The following PRELID2 variants were observed in gnomAD, a reference collection of about 807,000 sequenced individuals.
The protein encoded by PRELID2 is PRELI domain-containing protein 2.
PRELID2 carries 25 observed loss-of-function variants against 28.4 expected under a neutral mutation model. That is an observed-to-expected ratio of 0.88 (90% CI 0.64 to 1.23). The LOEUF (loss-of-function observed/expected upper bound fraction) is 1.23, where lower values mean the gene tolerates loss of function less well. Ranked by LOEUF, PRELID2 falls within the 50% of genes most tolerant of loss-of-function variation. The pLI, the probability that PRELID2 is intolerant of heterozygous loss-of-function variation, is 0.00. For synonymous variants in PRELID2, 76 were observed against 71.6 expected (o/e 1.06, Z -0.31); for missense variants, 201 against 214.4 (o/e 0.94, Z 0.39).
the PRELID2 span, among the ~76,000 whole-genome samples, chr5:145,255,786 CTA>C: frequency 6.7e-6 from 1 of 149,438 alleles, no homozygotes; most frequent in East Asian, 1.9e-4. Flanking sequence ...GTCTCAAAAA[CTA>C]TATATATATG....
chr5:145,440,985 C>T, the PRELID2 span: 7 of 152,012 alleles, frequency 4.6e-5, no homozygotes, highest in Non-Finnish European at 1.0e-4. Context: ...TGTTCATTAT[C>T]TATTCATGAG....
the PRELID2 span, among the ~76,000 whole-genome samples, chr5:145,380,764 G>A: frequency 6.6e-6 from 1 of 152,134 alleles, no homozygotes; most frequent in Non-Finnish European, 1.5e-5. Flanking sequence ...ATGAAAGAAT[G>A]AATATGAGAT....
chr5:145,349,563 A>T, the PRELID2 span, among the ~76,000 whole-genome samples: 1 of 152,142 alleles, frequency 6.6e-6, no homozygotes, highest in Non-Finnish European at 1.5e-5. Flanking sequence ...ACACTCATAC[A>T]GCAAATCTCA....
intron 1 of PRELID2, among the ~76,000 whole-genome samples, chr5:145,551,825 A>C (rs1044732215): frequency 7.2e-5 from 11 of 152,218 alleles, no homozygotes; most frequent in African/African-American, 2.7e-4. Flanking sequence ...AGATCTGAGA[A>C]GGCAAAGGGA....
At chr5:145,819,285 A>G (rs1754590447) in intron 3 of PRELID2, 3 of 826,562 alleles carry the variant, frequency 3.6e-6, no homozygotes, top group Non-Finnish European at 6.3e-6. Context: ...GGGCATATCC[A>G]GATGCTTTCC....
the PRELID2 span, among the ~76,000 whole-genome samples, chr5:145,233,357 C>T: frequency 6.6e-6 from 1 of 152,232 alleles, no homozygotes; most frequent in South Asian, 2.1e-4. Context: ...TTCTGCTTGT[C>T]TCTCATTCCA....
chr5:145,819,685 C>G (rs1397641695), intron 3 of PRELID2: 4 of 564,080 alleles, frequency 7.1e-6, no homozygotes, highest in Non-Finnish European at 1.2e-5. Context: ...ATGCAAAATG[C>G]CAAAAGTATC....
chr5:145,469,432 T>C (rs1285887135), downstream of PRELID2, among the ~76,000 whole-genome samples: 1 of 152,074 alleles, frequency 6.6e-6, no homozygotes, highest in East Asian at 1.9e-4. Context: ...GATTGAGGCA[T>C]GTTTCACAAA....
At chr5:145,289,161 A>T in the PRELID2 span, among the ~76,000 whole-genome samples, 5 of 152,112 alleles carry the variant, frequency 3.3e-5, no homozygotes, top group African/African-American at 1.2e-4. Flanking sequence ...ATGTGCATAC[A>T]TCAGGACTTT....
chr5:145,496,003 C>T (rs1483111943), intron 1 of PRELID2, among the ~76,000 whole-genome samples: 2 of 152,110 alleles, frequency 1.3e-5, no homozygotes, highest in African/African-American at 4.8e-5. Context: ...ACAGCTTTAG[C>T]TCAGATACCA....
At position 145,740,829 on chromosome 5, in the gene PRELID2, T is replaced by TATATATTTATCTATAAATATATATGTAC. The variant is rs1561566787; in HGVS notation, n.70+24101_70+24102insGTACATATATATTTATAGATAAATATAT. Among the ~76,000 whole-genome samples the TATATATTTATCTATAAATATATATGTAC allele has an allele frequency of 1.3e-3, 115 of 86,040 alleles. 15 individuals carry two copies. The highest frequency in any genetic ancestry group is 3.4e-3 in the South Asian group (9 of 2,680). The allele number at this position is 86,040 out of a possible 152,430, so 56.4% of individuals were successfully genotyped here. ...TATATACATTATACATATATACAAA[T>TATATATTTATCTATAAATATATATGTAC]ATATATTTATCGATAAATATATATG... On this transcript the variant is annotated intron_variant and non_coding_transcript_variant, in intron 1 of 2. Transcript: ENST00000510259.
At chr5:145,747,417 A>G (rs1757020760) in intron 1 of PRELID2, among the ~76,000 whole-genome samples, 1 of 152,318 alleles carries the variant, frequency 6.6e-6, no homozygotes, top group African/African-American at 2.4e-5. Flanking sequence ...AATAAACTAG[A>G]AAATCTAGAA....
downstream of PRELID2, among the ~76,000 whole-genome samples, chr5:145,751,464 T>G (rs1252050411): frequency 6.6e-6 from 1 of 152,236 alleles, no homozygotes; most frequent in East Asian, 1.9e-4. Flanking sequence ...CTGAACCATA[T>G]GCAATTGCCA....
the PRELID2 span, among the ~76,000 whole-genome samples, chr5:145,267,621 G>T: frequency 6.6e-6 from 1 of 152,164 alleles, no homozygotes; most frequent in Admixed American, 6.5e-5. Context: ...AATAAATGCA[G>T]TAGTGCAGAT....
chr5:145,385,971 G>A, the PRELID2 span, among the ~76,000 whole-genome samples: 5 of 152,116 alleles, frequency 3.3e-5, no homozygotes, highest in African/African-American at 1.2e-4. Flanking sequence ...TGTGTCAAGG[G>A]AGGGACAACG....
intron 5 of PRELID2, among the ~76,000 whole-genome samples, chr5:145,765,416 A>G (rs920109375): frequency 6.6e-6 from 1 of 152,096 alleles, no homozygotes; most frequent in African/African-American, 2.4e-5. Context: ...ATGGTGTATC[A>G]CTGAGACCCC....
intron 5 of PRELID2, among the ~76,000 whole-genome samples, chr5:145,792,066 T>C (rs577798620): frequency 3.9e-5 from 6 of 152,232 alleles, no homozygotes; most frequent in Non-Finnish European, 2.9e-5. Flanking sequence ...GCTCCCTACG[T>C]TTGCATTCCT....
intron 1 of PRELID2, among the ~76,000 whole-genome samples, chr5:145,500,062 G>A (rs541942264): frequency 1.1e-4 from 16 of 152,302 alleles, no homozygotes; most frequent in South Asian, 8.3e-4. Context: ...TGCCCTTGCT[G>A]TTGGAGAAGT....
the PRELID2 span, among the ~76,000 whole-genome samples, chr5:145,410,340 A>T: frequency 6.6e-6 from 1 of 152,258 alleles, no homozygotes; most frequent in African/African-American, 2.4e-5. Context: ...AAGCTTCTGC[A>T]CAGCAAAAGA....
Sources: gnomAD v4.1 joint callset for allele counts (sites outside exome capture counted in the v4.1 genomes callset) on GRCh38, gnomAD v4.1.1 for gene constraint, MANE v1.5 for transcripts, NCBI Gene and HGNC (gene_info 2026-07-23, HGNC 2026-07-21) for gene names.